The following LPCAT2 variants were observed in gnomAD, a reference collection of about 807,000 sequenced individuals.
The protein encoded by LPCAT2 is lysophosphatidylcholine acyltransferase 2, also known as 1-AGP acyltransferase 11.
In LPCAT2, 58 loss-of-function variants were observed where a neutral mutation model predicts 64.7. The observed-to-expected ratio is 0.90, with a 90% CI of 0.73 to 1.12. LPCAT2 has a LOEUF of 1.12. Among genes scored for constraint, LPCAT2 ranks in the 50% most tolerant of loss-of-function variants. The pLI is 0.00. For missense variants in LPCAT2, 579 were observed against 669.8 expected (o/e 0.86, Z 1.50); for synonymous variants, 252 against 245.3 (o/e 1.03, Z -0.26).
At chr16:55,577,506 A>G (rs1471311006) in intron 12 of LPCAT2, among the ~76,000 whole-genome samples, 1 of 152,146 alleles carries the variant, frequency 6.6e-6, no homozygotes, top group African/African-American at 2.4e-5. Flanking sequence ...CATCTGTAAG[A>G]TAGGACTGAC....
At chr16:55,568,158 C>A (rs201025566) in intron 11 of LPCAT2, among the ~76,000 whole-genome samples, 1 of 15,264 alleles carries the variant, frequency 6.6e-5, no homozygotes, top group South Asian at 2.0e-3. Flanking sequence ...TAAAAAAAAG[C>A]ACTAGCAATT....
chr16:55,572,122 T>C (rs1963776996), intron 11 of LPCAT2, among the ~76,000 whole-genome samples: 1 of 152,190 alleles, frequency 6.6e-6, no homozygotes, highest in Non-Finnish European at 1.5e-5. Context: ...TCAAAACCAC[T>C]CGTATGTTAA....
rs1963931951 is a variant in LPCAT2 at position 55,585,227 on chromosome 16, C to T, written c.*2129C>T. ...CCATTTTGTCTCAAATGTAATATAC[C>T]CTTTTAATATCATATGTTTACATAT... On this transcript the variant is annotated 3_prime_UTR_variant, in exon 14 of 14. Transcript: ENST00000262134. 1 of 151,998 alleles carries T rather than the reference C, an allele frequency of 6.6e-6. No homozygotes were observed. The highest frequency in any genetic ancestry group is 1.5e-5 in the Non-Finnish European group (1 of 67,984). The allele number at this position is 151,998 out of a possible 1,614,324, so 9.4% of individuals were successfully genotyped here.
At chr16:55,546,499 A>G (rs1164940597) in intron 9 of LPCAT2, among the ~76,000 whole-genome samples, 4 of 152,108 alleles carry the variant, frequency 2.6e-5, no homozygotes, top group Non-Finnish European at 5.9e-5. Flanking sequence ...AGCAGTGTTT[A>G]TTGTCTTAGT....
At chr16:55,527,438 C>A (rs1218052057) in intron 2 of LPCAT2, among the ~76,000 whole-genome samples, 1 of 149,378 alleles carries the variant, frequency 6.7e-6, no homozygotes, top group Non-Finnish European at 1.5e-5. Flanking sequence ...CAAGATTGCA[C>A]CACCGCACTC....
chr16:55,514,846 G>T (rs186583832), intron 1 of LPCAT2, among the ~76,000 whole-genome samples: 1 of 151,914 alleles, frequency 6.6e-6, no homozygotes, highest in Admixed American at 6.6e-5. Context: ...AAAGTATGGA[G>T]CAGGGTATCA....
At chr16:55,533,012 T>A in intron 6 of LPCAT2, 130 bp downstream of exon 6, 1 of 638,924 alleles carries the variant, frequency 1.6e-6, no homozygotes, top group Non-Finnish European at 2.6e-6. Context: ...GAGCTCATTC[T>A]GCTCGCCACA....
At chr16:55,542,117 C>T in intron 8 of LPCAT2, 1 of 442,264 alleles carries the variant, frequency 2.3e-6, no homozygotes, top group Non-Finnish European at 3.5e-6. Flanking sequence ...TTTAGTGATA[C>T]TGAGAATCTA....
Position 55,509,082 on chromosome 16 carries a change from C to T in LPCAT2, c.-100C>T, listed in dbSNP as rs1186307543. On this transcript the variant is annotated 5_prime_UTR_variant, in exon 1 of 14. Coordinates refer to ENST00000262134, the MANE Select transcript of LPCAT2 (RefSeq NM_017839.5). ...CTTCAGCGCCTGCGCAGAGGCTCCC[C>T]AGCGTCGCCCTAGGCTGGGACTCTA... 9.4e-7 allele frequency: 1 copy of T among 1,068,570 alleles called. No individual in the cohort carries two copies. The highest frequency in any genetic ancestry group is 1.6e-5 in the African/African-American group (1 of 61,434). 66.2% of individuals were successfully genotyped at this position (1,068,570 alleles called of 1,614,324 possible).
At chr16:55,528,094 C>T (rs1827037891) in intron 2 of LPCAT2, among the ~76,000 whole-genome samples, 1 of 152,166 alleles carries the variant, frequency 6.6e-6, no homozygotes, top group Non-Finnish European at 1.5e-5. Context: ...TTCTCTGTGC[C>T]TCAGTTTTCT....
chr16:55,557,261 C>G (rs1194051987), intron 11 of LPCAT2, among the ~76,000 whole-genome samples: 1 of 151,976 alleles, frequency 6.6e-6, no homozygotes, highest in African/African-American at 2.4e-5. Context: ...CTCTCTATCT[C>G]TCTGTCTCTG....
At chr16:55,512,283 G>A (rs75301557) in intron 1 of LPCAT2, among the ~76,000 whole-genome samples, 153 of 152,294 alleles carry the variant, frequency 1.0e-3, no homozygotes, top group African/African-American at 3.4e-3. Context: ...TGGTGGAGTA[G>A]CTCAATGTAG....
intron 1 of LPCAT2, among the ~76,000 whole-genome samples, chr16:55,509,785 C>T (rs973645753): frequency 3.3e-5 from 5 of 151,958 alleles, no homozygotes; most frequent in Admixed American, 1.3e-4. Context: ...TCTGAGCGGG[C>T]ACGGGAGGAG....
At chr16:55,527,983 A>G (rs1963196611) in intron 2 of LPCAT2, among the ~76,000 whole-genome samples, 1 of 152,216 alleles carries the variant, frequency 6.6e-6, no homozygotes, top group South Asian at 2.1e-4. Flanking sequence ...TGATTTGGAT[A>G]TCTCAGTAGG....
At chr16:55,545,375 G>A (rs1963441373) in intron 8 of LPCAT2, 1 of 174,936 alleles carries the variant, frequency 5.7e-6, no homozygotes, top group Admixed American at 6.2e-5. Flanking sequence ...ATAAAGGGAT[G>A]AGAGTGGTAG....
At chr16:55,553,049 GTTGA>G (rs1963535481) in intron 11 of LPCAT2, among the ~76,000 whole-genome samples, 1 of 2,054 alleles carries the variant, frequency 4.9e-4, no homozygotes, top group Non-Finnish European at 0.017. Context: ...CAGCTTGACA[GTTGA>G]ACAGGTGAAA....
At chr16:55,532,635 A>G in intron 5 of LPCAT2, 189 bp from the exon 6 acceptor site, 1 of 321,496 alleles carries the variant, frequency 3.1e-6, no homozygotes, top group South Asian at 5.3e-5. Flanking sequence ...TTGCTTCAGT[A>G]GTTCTTAATT....
intron 3 of LPCAT2, 31 bp from the exon 4 acceptor site, chr16:55,529,804 G>T (rs1427939406): frequency 2.1e-6 from 3 of 1,433,002 alleles, no homozygotes; most frequent in East Asian, 4.7e-5. Flanking sequence ...CCAAAAAATG[G>T]CTTGCCTGTA....
At chr16:55,519,732 A>G (rs1963068030) in intron 1 of LPCAT2, among the ~76,000 whole-genome samples, 1 of 152,206 alleles carries the variant, frequency 6.6e-6, no homozygotes, top group Non-Finnish European at 1.5e-5. Context: ...GGGTTTACAT[A>G]TATGTAGGGG....
Sources: gnomAD v4.1 joint callset for allele counts (sites outside exome capture counted in the v4.1 genomes callset) on GRCh38, gnomAD v4.1.1 for gene constraint, MANE v1.5 for transcripts, NCBI Gene and HGNC (gene_info 2026-07-23, HGNC 2026-07-21) for gene names.